Variants in FBRSL1 observed in about 807,000 individuals in gnomAD.
FBRSL1 encodes fibrosin-1-like protein.
Under a neutral mutation model 89.6 loss-of-function variants are expected in FBRSL1, and 51 were observed. The observed-to-expected ratio is 0.57, with a 90% confidence interval of 0.45 to 0.72. FBRSL1 has a LOEUF of 0.72. FBRSL1 is among the 30% of genes least tolerant of loss of function. FBRSL1 has a pLI of 0.00. For synonymous variants in FBRSL1, 779 were observed against 681.1 expected (o/e 1.14, Z -2.24); for missense variants, 1,618 against 1,451.8 (o/e 1.11, Z -1.86).
intron 1 of FBRSL1, among the ~76,000 whole-genome samples, chr12:132,491,536 C>T (rs1041127065): frequency 2.6e-5 from 4 of 152,260 alleles, no homozygotes; most frequent in Non-Finnish European, 5.9e-5. Flanking sequence ...GCAAGTTGCC[C>T]TGCACCAGGG....
In FBRSL1 at chr12:132,490,691, A is replaced by G; in HGVS notation, c.121A>G (p.Ser41Gly). The change falls in exon 1 of 19, where the codon AGC becomes GGC. Residue 41 changes from serine to glycine, a missense_variant. Transcript: ENST00000680143. ...GTCGTCGGGCGACGAGCCCGAGCCC[A>G]GCCCCGGCAAGGAGAACGCGGGCCT... ...SPSSGDEPEP[S>G]PGKENAGLRG... 1.0e-6 allele frequency: 1 copy of G among 996,976 alleles called. No homozygotes were observed. The highest frequency in any genetic ancestry group is 1.2e-6 in the Non-Finnish European group (1 of 834,898). 61.8% of individuals were successfully genotyped at this position (996,976 alleles called of 1,614,324 possible).
chr12:132,536,594 G>A (rs1431841329), intron 4 of FBRSL1, among the ~76,000 whole-genome samples: 2 of 151,324 alleles, frequency 1.3e-5, no homozygotes, highest in East Asian at 2.0e-4. Flanking sequence ...GTGAGTGCAC[G>A]TGTACATGAC....
chr12:132,580,206 GC>G (rs1484570971), intron 15 of FBRSL1, among the ~76,000 whole-genome samples: 5 of 152,292 alleles, frequency 3.3e-5, no homozygotes, highest in African/African-American at 4.8e-5. Context: ...TCCTGCCTCA[GC>G]CTCCCAAGTG....
At chr12:132,550,224 AG>A (rs1271411149) in intron 5 of FBRSL1, among the ~76,000 whole-genome samples, 1 of 152,116 alleles carries the variant, frequency 6.6e-6, no homozygotes, top group Non-Finnish European at 1.5e-5. Flanking sequence ...GGGGCTGCGG[AG>A]GACGGCAGGG....
intron 5 of FBRSL1, among the ~76,000 whole-genome samples, chr12:132,549,285 C>T (rs4883518): frequency 0.34 from 51,928 of 152,042 alleles, 9,622 homozygotes; most frequent in Non-Finnish European, 0.43. Context: ...ACACACCTCT[C>T]CTCGCCCGTC....
chr12:132,577,081 C>T, intron 15 of FBRSL1, 150 bp downstream of exon 15: 2 of 1,092,932 alleles, frequency 1.8e-6, no homozygotes. Flanking sequence ...CAGGTCAAAG[C>T]CTGGCAACTC....
rs1306595113 is a variant in FBRSL1 at position 132,558,448 on chromosome 12, G to A, written c.646-9033G>A. 7.9e-5 allele frequency among the ~76,000 whole-genome samples: 12 copies of A among 152,396 alleles called. No individual in the cohort carries two copies. In the East Asian group the frequency reaches 2.3e-3, roughly 29 times the overall value. On this transcript the variant is annotated intron_variant, in intron 5 of 18. Coordinates refer to ENST00000680143, the MANE Select transcript of FBRSL1 (RefSeq NM_001367871.1). Reference sequence around the variant, plus strand: ...TGGCTTGCGGCATGCAGTGCGCCCGGAAGTGCCTATGTGGACACAGTGTGT... The same window carrying A: ...TGGCTTGCGGCATGCAGTGCGCCCGAAAGTGCCTATGTGGACACAGTGTGT...
chr12:132,572,850 G>A (rs939252040), intron 11 of FBRSL1, among the ~76,000 whole-genome samples: 1 of 152,228 alleles, frequency 6.6e-6, no homozygotes, highest in Non-Finnish European at 1.5e-5. Context: ...GAGCAGCCCT[G>A]GGAGGTGGTG....
intron 11 of FBRSL1, among the ~76,000 whole-genome samples, chr12:132,573,061 C>G (rs1037258148): frequency 2.8e-4 from 42 of 152,288 alleles, no homozygotes; most frequent in African/African-American, 9.1e-4. Flanking sequence ...TCCACACCCG[C>G]AGGGGACCTG....
rs772922636 is a variant in FBRSL1, at chr12:132,508,287, C to T, written c.426C>T (p.Pro142=). 2.6e-5 allele frequency: 41 copies of T among 1,549,814 alleles called. No homozygotes were observed. The highest frequency in any genetic ancestry group is 9.8e-5 in the East Asian group (4 of 40,906). ...ENRRPLEAGS[P]GQDLEPACDG... ...GGCGGCCCCTGGAGGCAGGCAGCCC[C>T]GGGCAGGACCTCGAACCCGCCTGCG... Residue 142 remains proline (P), a synonymous_variant, in exon 2 of 19, where the codon CCC becomes CCT. Coordinates refer to ENST00000680143, the MANE Select transcript of FBRSL1 (RefSeq NM_001367871.1).
intron 2 of FBRSL1, among the ~76,000 whole-genome samples, chr12:132,520,821 G>A (rs866672454): frequency 6.6e-6 from 1 of 152,212 alleles, no homozygotes; most frequent in African/African-American, 2.4e-5. Flanking sequence ...CTTCGGGAGC[G>A]AAGGCAGCGG....
At chr12:132,498,775 A>C (rs916962516) in intron 1 of FBRSL1, among the ~76,000 whole-genome samples, 5 of 152,090 alleles carry the variant, frequency 3.3e-5, no homozygotes, top group African/African-American at 2.4e-5. Context: ...GGGAGGTCAG[A>C]GGCTGAAGAG....
chr12:132,527,362 C>T (rs2035869907), intron 3 of FBRSL1, among the ~76,000 whole-genome samples: 1 of 152,214 alleles, frequency 6.6e-6, no homozygotes, highest in South Asian at 2.1e-4. Context: ...AAGGGCGTCC[C>T]TGTGGGAGCC....
rs7300693 is a variant in FBRSL1, at chr12:132,517,630, G to T, written c.490-8104G>T. On this transcript the variant is annotated intron_variant, in intron 2 of 18. Coordinates refer to ENST00000680143, the MANE Select transcript of FBRSL1 (RefSeq NM_001367871.1). ...GAGAGAAGGCACCGTTAGACCAGGC[G>T]GTCAGGGAAGAGCGCTCTGGGTAGA... 8.1e-3 allele frequency among the ~76,000 whole-genome samples: 1,231 copies of T among 152,326 alleles called. 18 individuals are homozygous for T. The highest frequency in any genetic ancestry group is 0.028 in the African/African-American group (1,179 of 41,562).
chr12:132,510,558 G>A (rs2034217259), intron 2 of FBRSL1: 2 of 1,231,084 alleles, frequency 1.6e-6, no homozygotes, highest in Non-Finnish European at 2.0e-6. Context: ...GAGATGCTTT[G>A]CCGGACTAGC....
In FBRSL1 at chr12:132,583,098, GA is replaced by G. The variant is rs2040898625; in HGVS notation, c.2330del (p.Glu777GlyfsTer36). 5.5e-6 allele frequency: 8 copies of G among 1,453,624 alleles called. No individual in the cohort carries two copies. The highest frequency in any genetic ancestry group is 3.1e-5 in the East Asian group (1 of 31,962). 90.0% of individuals were successfully genotyped at this position (1,453,624 alleles called of 1,614,324 possible). On this transcript the variant is annotated frameshift_variant, in exon 19 of 19. Coordinates refer to ENST00000680143, the MANE Select transcript of FBRSL1 (RefSeq NM_001367871.1). LOFTEE classifies it high-confidence loss of function. ...LGRSGAPAER[E>X]AEPRVKESRS... is the part of the protein sequence containing the mutation. ...CCGGTCCGGGGCCCCCGCGGAGCGC[GA>G]GGCCGAACCTCGGGTCAAGGAGAGC...
intron 3 of FBRSL1, among the ~76,000 whole-genome samples, chr12:132,527,054 T>C (rs2035846726): frequency 6.6e-6 from 1 of 152,080 alleles, no homozygotes; most frequent in South Asian, 2.1e-4. Context: ...GACCAGAGTG[T>C]GCCCTGATGT....
chr12:132,500,276 G>A (rs2032756537), intron 1 of FBRSL1, among the ~76,000 whole-genome samples: 1 of 152,190 alleles, frequency 6.6e-6, no homozygotes, highest in Non-Finnish European at 1.5e-5. Flanking sequence ...GAGCAGCCGA[G>A]TGTGTCCCAG....
At chr12:132,571,371 C>T (rs375193157) in intron 9 of FBRSL1, 140 bp downstream of exon 9, 54 of 1,550,604 alleles carry the variant, frequency 3.5e-5, no homozygotes, top group Admixed American at 1.4e-4. Context: ...AGCGGCCTGG[C>T]GCCTCCCTGG....
Sources: allele counts gnomAD v4.1 joint callset (sites outside exome capture counted in the v4.1 genomes callset), GRCh38; gene constraint gnomAD v4.1.1; transcripts MANE v1.5; gene names NCBI Gene and HGNC (gene_info 2026-07-23, HGNC 2026-07-21).